CDH13: variants seen among roughly 807,000 people sequenced by gnomAD.
The protein encoded by CDH13 is cadherin-13.
Under a neutral mutation model 63.8 loss-of-function variants are expected in CDH13, and 24 were observed. The observed-to-expected ratio is 0.38, with a 90% CI of 0.27 to 0.53. The LOEUF (loss-of-function observed/expected upper bound fraction) is 0.53. CDH13 is among the 20% of genes least tolerant of loss of function. CDH13 has a pLI of 0.85. For missense variants in CDH13, 1,049 were observed against 903.1 expected (o/e 1.16, Z -2.07); for synonymous variants, 503 against 355.3 (o/e 1.42, Z -4.67).
At chr16:83,495,968 C>T (rs2074132761) in intron 7 of CDH13, among the ~76,000 whole-genome samples, 1 of 151,610 alleles carries the variant, frequency 6.6e-6, no homozygotes, top group Non-Finnish European at 1.5e-5. Flanking sequence ...TGAAGGACCT[C>T]TTCAAGGAGA....
chr16:83,026,069 A>G (rs145388977), intron 2 of CDH13, among the ~76,000 whole-genome samples: 2 of 152,234 alleles, frequency 1.3e-5, no homozygotes, highest in African/African-American at 2.4e-5. Context: ...TATCAAAAAT[A>G]TACAAAGACC....
chr16:83,218,491 T>G (rs1035559809), intron 5 of CDH13, among the ~76,000 whole-genome samples: 1 of 152,102 alleles, frequency 6.6e-6, no homozygotes, highest in African/African-American at 2.4e-5. Flanking sequence ...TTGTATAAAT[T>G]GAATGTTGGT....
intron 2 of CDH13, among the ~76,000 whole-genome samples, chr16:82,903,410 GTGGACTTGCTCACACA>G (rs2041534449): frequency 6.6e-6 from 1 of 152,192 alleles, no homozygotes; most frequent in Admixed American, 6.5e-5. Context: ...CCTACCCGCA[GTGGACTTGCTCACACA>G]TAAGTGGGAG....
At chr16:83,015,677 G>GTATGTATATATATA (rs1555562893) in intron 2 of CDH13, among the ~76,000 whole-genome samples, 3 of 37,566 alleles carry the variant, frequency 8.0e-5, no homozygotes, top group African/African-American at 1.7e-4. Flanking sequence ...GTGTGTGTAT[G>GTATGTATATATATA]TATATATATA....
intron 8 of CDH13, among the ~76,000 whole-genome samples, chr16:83,632,833 G>A (rs1479917910): frequency 6.6e-6 from 1 of 150,910 alleles, no homozygotes. Flanking sequence ...CATTTTTATG[G>A]TTATCTCTTG....
Position 83,504,148 on chromosome 16 carries a change from G to A in CDH13, c.960+17493G>A, listed in dbSNP as rs74034228. ...TAAAAAAAGGAAATAAAAGATGCCCGTTCCTCTGAATGGACATAGCCCATG... is the reference window on the plus strand; with the variant it reads ...TAAAAAAAGGAAATAAAAGATGCCCATTCCTCTGAATGGACATAGCCCATG... On this transcript the variant is annotated intron_variant, in intron 7 of 13. Coordinates refer to ENST00000567109, the MANE Select transcript of CDH13 (RefSeq NM_001257.5). Among the ~76,000 whole-genome samples, 56 of 152,266 alleles carry A rather than the reference G, an allele frequency of 3.7e-4. 1 individual carries two copies. The highest frequency in any genetic ancestry group is 2.7e-3 in the Admixed American group (42 of 15,290).
intron 6 of CDH13, among the ~76,000 whole-genome samples, chr16:83,472,096 T>C (rs1362176638): frequency 2.0e-5 from 3 of 152,136 alleles, no homozygotes; most frequent in Admixed American, 2.0e-4. Context: ...CTGGGCTGAA[T>C]GTTACATGTA....
At chr16:83,224,528 C>T (rs567147725) in intron 5 of CDH13, among the ~76,000 whole-genome samples, 10 of 152,324 alleles carry the variant, frequency 6.6e-5, no homozygotes, top group South Asian at 4.1e-4. Flanking sequence ...CAATCAATAA[C>T]ACACATGTGA....
chr16:83,182,060 A>T (rs757418438), intron 4 of CDH13, among the ~76,000 whole-genome samples: 2 of 152,204 alleles, frequency 1.3e-5, no homozygotes, highest in Non-Finnish European at 2.9e-5. Flanking sequence ...AAAAGTGTGC[A>T]TTGTCTGGTA....
intron 6 of CDH13, among the ~76,000 whole-genome samples, chr16:83,374,405 A>T (rs1475665333): frequency 1.3e-5 from 2 of 152,170 alleles, no homozygotes; most frequent in South Asian, 4.1e-4. Context: ...TTATCTTTTC[A>T]TGCATGCCTT....
intron 1 of CDH13, among the ~76,000 whole-genome samples, chr16:82,729,782 G>T (rs371914273): frequency 6.6e-6 from 1 of 152,252 alleles, no homozygotes; most frequent in Admixed American, 6.5e-5. Flanking sequence ...TCTTCTTCCA[G>T]TATAAAGATG....
chr16:83,452,678 A>G (rs1013732641), intron 6 of CDH13, among the ~76,000 whole-genome samples: 5 of 152,226 alleles, frequency 3.3e-5, no homozygotes, highest in African/African-American at 1.2e-4. Flanking sequence ...GAAGCTTGCA[A>G]TTAAATAGAG....
chr16:82,958,885 A>G (rs927530001), intron 2 of CDH13, among the ~76,000 whole-genome samples: 2 of 152,254 alleles, frequency 1.3e-5, no homozygotes, highest in African/African-American at 4.8e-5. Flanking sequence ...GGAACCTTCC[A>G]CCTGGGAAGA....
chr16:82,651,960 C>T (rs540773987), intron 1 of CDH13, among the ~76,000 whole-genome samples: 2 of 152,322 alleles, frequency 1.3e-5, no homozygotes, highest in East Asian at 1.9e-4. Flanking sequence ...GAAGGGCCAG[C>T]GCCATCCAAT....
intron 4 of CDH13, among the ~76,000 whole-genome samples, chr16:83,175,724 T>G (rs2038093330): frequency 6.6e-6 from 1 of 152,078 alleles, no homozygotes; most frequent in Admixed American, 6.6e-5. Flanking sequence ...ACCAACACAT[T>G]AAATTCTTTA....
chr16:82,646,579 C>G (rs559228774), intron 1 of CDH13, among the ~76,000 whole-genome samples: 1 of 152,278 alleles, frequency 6.6e-6, no homozygotes, highest in East Asian at 1.9e-4. Context: ...GGAGAGGTCA[C>G]AGGAGGCCAA....
At chr16:83,388,089 C>A (rs1443506739) in intron 6 of CDH13, among the ~76,000 whole-genome samples, 1 of 151,996 alleles carries the variant, frequency 6.6e-6, no homozygotes, top group African/African-American at 2.4e-5. Flanking sequence ...GCATTGACAC[C>A]CTGAGGCTGT....
intron 5 of CDH13, among the ~76,000 whole-genome samples, chr16:83,334,668 A>G (rs867819813): frequency 3.3e-5 from 5 of 152,132 alleles, no homozygotes; most frequent in South Asian, 4.2e-4. Flanking sequence ...GAGCCACCAT[A>G]CCTGGCCCAA....
chr16:82,725,750 C>G (rs930183409), intron 1 of CDH13, among the ~76,000 whole-genome samples: 5 of 152,134 alleles, frequency 3.3e-5, no homozygotes, highest in African/African-American at 4.8e-5. Context: ...ATCCTCATTC[C>G]TTTTGGCTCT....
Sources: allele counts gnomAD v4.1 joint callset (sites outside exome capture counted in the v4.1 genomes callset), GRCh38; gene constraint gnomAD v4.1.1; transcripts MANE v1.5; gene names NCBI Gene and HGNC (gene_info 2026-07-23, HGNC 2026-07-21).